The following NUDCD3 variants were observed in gnomAD, a reference collection of about 807,000 sequenced individuals.
The protein encoded by NUDCD3 is NudC domain containing 3.
In NUDCD3, 13 loss-of-function variants were observed where a neutral mutation model predicts 39.7. The ratio of observed to expected loss-of-function variants is 0.33; its 90% CI spans 0.21 to 0.52. The LOEUF (loss-of-function observed/expected upper bound fraction) is 0.52. Ranked by LOEUF, NUDCD3 falls within the 20% of genes least tolerant of loss-of-function variation. The probability of loss-of-function intolerance (pLI) is 0.96; values close to 1 mark genes in which losing one functional copy is unlikely to be tolerated. For synonymous variants in NUDCD3, 175 were observed against 172.4 expected (o/e 1.02, Z -0.12); for missense variants, 453 against 458.1 (o/e 0.99, Z 0.10).
intron 2 of NUDCD3, among the ~76,000 whole-genome samples, chr7:44,465,296 TAC>T (rs1233210312): frequency 6.6e-6 from 1 of 152,222 alleles, no homozygotes; most frequent in Non-Finnish European, 1.5e-5. Flanking sequence ...GCTGAGAGAA[TAC>T]AGACAGCCAC....
chr7:44,406,141 A>G (rs977066188), intron 3 of NUDCD3, among the ~76,000 whole-genome samples: 4 of 152,164 alleles, frequency 2.6e-5, no homozygotes, highest in East Asian at 1.9e-4. Flanking sequence ...TGAGCCATGC[A>G]GTGAGGGGAG....
chr7:44,488,045 A>C (rs1192900493), intron 1 of NUDCD3, among the ~76,000 whole-genome samples: 1 of 152,116 alleles, frequency 6.6e-6, no homozygotes, highest in African/African-American at 2.4e-5. Flanking sequence ...TGTGCTTTTA[A>C]AAGTTCCTTG....
At chr7:44,434,932 G>A (rs1459472740) in intron 2 of NUDCD3, among the ~76,000 whole-genome samples, 4 of 152,206 alleles carry the variant, frequency 2.6e-5, no homozygotes, top group Non-Finnish European at 5.9e-5. Context: ...AAGGTCTCGT[G>A]ACACTCAGTA....
intron 2 of NUDCD3, among the ~76,000 whole-genome samples, chr7:44,469,755 G>C (rs1800213498): frequency 6.6e-6 from 1 of 151,076 alleles, no homozygotes; most frequent in African/African-American, 2.4e-5. Flanking sequence ...TGGCATTCTT[G>C]CCAAAAACAT....
intron 2 of NUDCD3, among the ~76,000 whole-genome samples, chr7:44,455,203 G>A (rs1015215626): frequency 6.6e-6 from 1 of 151,632 alleles, no homozygotes; most frequent in Admixed American, 6.6e-5. Context: ...ATTTCCAACT[G>A]TCTGCTGGTC....
chr7:44,414,891 A>G (rs1408459072), intron 3 of NUDCD3, among the ~76,000 whole-genome samples: 1 of 152,218 alleles, frequency 6.6e-6, no homozygotes, highest in Non-Finnish European at 1.5e-5. Flanking sequence ...AGTTAGAGCC[A>G]TAAATGACAC....
At chr7:44,482,294 G>A (rs1029643542) in intron 2 of NUDCD3, among the ~76,000 whole-genome samples, 2 of 152,146 alleles carry the variant, frequency 1.3e-5, no homozygotes, top group African/African-American at 2.4e-5. Context: ...GCTGGGAGAC[G>A]TTCAAGCCTC....
At position 44,490,477 on chromosome 7, in the gene NUDCD3, G is replaced by T; in HGVS notation, c.124C>A (p.Arg42Ser). ...GFLYRKTDFY[R>S]LLRHPSDRMG... ...CGGTCCGATGGGTGGCGCAGCAAGC[G>T]ATAGAAGTCTGTCTTGCGGTAGAGG... Residue 42 changes from arginine (R) to serine (S), a missense_variant, in exon 1 of 6, where the codon CGC (arginine) becomes AGC (serine). Arg to Ser is a moderately radical substitution (Grantham distance 110). Coordinates refer to ENST00000355451, the MANE Select transcript of NUDCD3 (RefSeq NM_015332.4). 1 of 1,606,664 alleles carries T rather than the reference G, an allele frequency of 6.2e-7. No homozygotes were observed. Among genetic ancestry groups the T allele is most frequent in the Non-Finnish European group, 8.5e-7 (1 of 1,177,006 alleles).
At chr7:44,398,585 T>C (rs1003487512) in intron 4 of NUDCD3, among the ~76,000 whole-genome samples, 8 of 152,260 alleles carry the variant, frequency 5.3e-5, no homozygotes, top group African/African-American at 1.9e-4. Flanking sequence ...CACCTCAACA[T>C]GAATAAACTT....
chr7:44,403,720 T>C (rs1363525955), intron 4 of NUDCD3, among the ~76,000 whole-genome samples: 2 of 152,246 alleles, frequency 1.3e-5, no homozygotes, highest in East Asian at 3.8e-4. Context: ...ATGAAGAATA[T>C]ATCTGTATAA....
At chr7:44,412,233 G>A (rs1290016380) in intron 3 of NUDCD3, among the ~76,000 whole-genome samples, 1 of 152,218 alleles carries the variant, frequency 6.6e-6, no homozygotes, top group Non-Finnish European at 1.5e-5. Context: ...ACATCCACGT[G>A]TACTGAGCAT....
At chr7:44,386,934 C>A (rs1325896759) in intron 5 of NUDCD3, among the ~76,000 whole-genome samples, 1 of 152,150 alleles carries the variant, frequency 6.6e-6, no homozygotes, top group Non-Finnish European at 1.5e-5. Flanking sequence ...CACCTGGCCA[C>A]CATGAGTACA....
intron 2 of NUDCD3, among the ~76,000 whole-genome samples, chr7:44,469,449 A>T (rs1294811089): frequency 6.6e-6 from 1 of 152,260 alleles, no homozygotes; most frequent in Non-Finnish European, 1.5e-5. Context: ...AGAATGATAA[A>T]AATAGAAAAT....
At chr7:44,449,984 A>C (rs1401361456) in intron 2 of NUDCD3, among the ~76,000 whole-genome samples, 1 of 152,162 alleles carries the variant, frequency 6.6e-6, no homozygotes, top group Non-Finnish European at 1.5e-5. Flanking sequence ...TATATCTGAT[A>C]AAGTACTCAG....
At chr7:44,462,945 CTGTGTGTGTGTGTGTGTGTGTG>C (rs3138779) in intron 2 of NUDCD3, among the ~76,000 whole-genome samples, 8 of 146,680 alleles carry the variant, frequency 5.5e-5, no homozygotes, top group East Asian at 4.0e-4. Context: ...CACAACCAGG[CTGTGTGTGTGTGTGTGTGTGTG>C]TGTGTGTGTG....
At chr7:44,390,719 G>A (rs1275315080) in intron 5 of NUDCD3, among the ~76,000 whole-genome samples, 2 of 152,164 alleles carry the variant, frequency 1.3e-5, no homozygotes, top group African/African-American at 4.8e-5. Context: ...AGAGTGGGCA[G>A]ACCCTCACAT....
chr7:44,490,582 C>A lies in NUDCD3; in HGVS notation c.19G>T (p.Glu7Ter). The change falls in exon 1 of 6, where the codon GAG becomes TAG. Residue 7 changes from glutamate to a stop codon, truncating the protein, a stop_gained. Transcript: ENST00000355451. LOFTEE classifies it high-confidence loss of function. METGAA[E>*]LYDQALLGIL... The stretch of plus-strand genomic sequence containing the variant: ...CCCAAAAGGGCCTGGTCATACAGCT[C>A]GGCCGCCCCTGTCTCCATGTCGCCT... 6.2e-7 allele frequency: 1 copy of A among 1,609,542 alleles called. No individual in the cohort carries two copies. The highest frequency in any genetic ancestry group is 8.5e-7 in the Non-Finnish European group (1 of 1,178,086).
Position 44,421,411 on chromosome 7 carries a change from G to C in NUDCD3, c.642+6160C>G, listed in dbSNP as rs1799137259. Among the ~76,000 whole-genome samples the C allele has an allele frequency of 2.1e-5, 3 of 141,282 alleles. No individual in the cohort carries two copies. In the South Asian group the frequency reaches 6.7e-4, roughly 32 times the overall value. The allele number at this position is 141,282 out of a possible 152,430, so 92.7% of individuals were successfully genotyped here. Reference sequence around the variant, plus strand: ...ATCCATCAGTGTGCTGTATTCAGGAGACCCATCTCATGTGCAAAGACACAC... The same window carrying C: ...ATCCATCAGTGTGCTGTATTCAGGACACCCATCTCATGTGCAAAGACACAC... On this transcript the variant is annotated intron_variant, in intron 3 of 5. Transcript: ENST00000355451.
At chr7:44,470,226 T>C (rs1469084483) in intron 2 of NUDCD3, among the ~76,000 whole-genome samples, 1 of 152,188 alleles carries the variant, frequency 6.6e-6, no homozygotes, top group African/African-American at 2.4e-5. Context: ...GAGAATATGC[T>C]AGTCTTTGGT....
Sources: gnomAD v4.1 joint callset for allele counts (sites outside exome capture counted in the v4.1 genomes callset) on GRCh38, gnomAD v4.1.1 for gene constraint, MANE v1.5 for transcripts, NCBI Gene and HGNC (gene_info 2026-07-23, HGNC 2026-07-21) for gene names.